Variants in SRGAP3 observed in about 807,000 individuals in gnomAD.
SRGAP3 encodes the protein SLIT-ROBO Rho GTPase activating protein 3.
SRGAP3 carries 39 observed loss-of-function variants against 121.1 expected under a neutral mutation model. The observed-to-expected ratio is 0.32, with a 90% CI of 0.25 to 0.42. The LOEUF (loss-of-function observed/expected upper bound fraction) is 0.42, where lower values mean the gene tolerates loss of function less well. Ranked by LOEUF, SRGAP3 falls within the 10% of genes least tolerant of loss-of-function variation. The probability of loss-of-function intolerance (pLI) is 1.00; values close to 1 mark genes in which losing one functional copy is unlikely to be tolerated. For missense variants in SRGAP3, 1,213 were observed against 1,470.6 expected, an observed-to-expected ratio of 0.82 and a Z score of 2.86; for synonymous variants, 601 against 570.0, an observed-to-expected ratio of 1.05 and a Z score of -0.77.
chr3:8,997,770 T>C (rs1245314456), intron 18 of SRGAP3, among the ~76,000 whole-genome samples: 1 of 152,238 alleles, frequency 6.6e-6, no homozygotes, highest in East Asian at 1.9e-4. Flanking sequence ...AGATTTATCA[T>C]ATATCTATCC....
At chr3:9,123,405 T>TATATATATATATAC (rs1949095774) in intron 2 of SRGAP3, among the ~76,000 whole-genome samples, 1 of 1,750 alleles carries the variant, frequency 5.7e-4, no homozygotes, top group African/African-American at 9.3e-4. Flanking sequence ...ACAATACACA[T>TATATATATATATAC]ACATACACAT....
intron 4 of SRGAP3, among the ~76,000 whole-genome samples, chr3:9,073,849 C>A (rs1454568054): frequency 6.6e-6 from 1 of 152,084 alleles, no homozygotes; most frequent in Non-Finnish European, 1.5e-5. Context: ...TGGGATATGC[C>A]CAAACGTGTG....
intron 1 of SRGAP3, among the ~76,000 whole-genome samples, chr3:9,139,904 A>G (rs1949790026): frequency 6.6e-6 from 1 of 152,150 alleles, no homozygotes; most frequent in Non-Finnish European, 1.5e-5. Context: ...ACCAGCAGAG[A>G]GAAGGACAGG....
intron 3 of SRGAP3, among the ~76,000 whole-genome samples, chr3:9,275,657 CT>C (rs1224801680): frequency 6.6e-6 from 1 of 152,158 alleles, no homozygotes; most frequent in Admixed American, 6.5e-5. Flanking sequence ...TTTCTTTCCC[CT>C]TTCACTTGGC....
chr3:9,094,000 G>C (rs1947866834), intron 3 of SRGAP3, among the ~76,000 whole-genome samples: 1 of 152,112 alleles, frequency 6.6e-6, no homozygotes, highest in African/African-American at 2.4e-5. Context: ...ACTCAAATTA[G>C]ATAACAAAAT....
At chr3:9,210,014 A>C (rs532997593) in intron 1 of SRGAP3, among the ~76,000 whole-genome samples, 3 of 152,168 alleles carry the variant, frequency 2.0e-5, no homozygotes, top group East Asian at 1.9e-4. Flanking sequence ...AACTTCAAAA[A>C]ACATTATGCT....
At position 8,990,659 on chromosome 3, in the gene SRGAP3, C is replaced by A. The variant is rs1485443990; in HGVS notation, c.2739G>T (p.Arg913Ser). ...TGCCAGCGCTCCCGAACGTCGCCAT[C>A]CTCCGCTTCTCAGGGCTCTCGATCC... ...RGRIESPEKR[R>S]MATFGSAGSI... Residue 913 changes from arginine to serine, a missense_variant, in exon 21 of 22, where the codon AGG becomes AGT. Physicochemically the swap from Arg to Ser is moderately radical, Grantham distance 110 (BLOSUM62 -1). This residue lies in a region of SRGAP3 where 420 missense variants were observed against 437.7 expected (regional missense o/e 0.96). Transcript: ENST00000383836. 1 of 1,613,594 alleles carries A rather than the reference C, an allele frequency of 6.2e-7. No homozygotes were observed. Among genetic ancestry groups the A allele is most frequent in the African/African-American group, 1.3e-5 (1 of 74,938 alleles).
At chr3:9,063,726 G>C (rs2125205938) in intron 5 of SRGAP3, among the ~76,000 whole-genome samples, 1 of 152,282 alleles carries the variant, frequency 6.6e-6, no homozygotes, top group Admixed American at 6.5e-5. Context: ...TGACATGAGA[G>C]ATGAGACGAA....
chr3:9,076,076 G>C (rs1348197185), intron 4 of SRGAP3, among the ~76,000 whole-genome samples: 1 of 152,196 alleles, frequency 6.6e-6, no homozygotes, highest in Non-Finnish European at 1.5e-5. Flanking sequence ...GACACAAGCA[G>C]AAGCTTGAAA....
At chr3:9,098,250 C>T (rs1948069544) in intron 3 of SRGAP3, among the ~76,000 whole-genome samples, 2 of 152,188 alleles carry the variant, frequency 1.3e-5, no homozygotes, top group African/African-American at 2.4e-5. Context: ...GACATTGTGT[C>T]TGAGTCGTTT....
chr3:9,173,268 G>A (rs1025004290), intron 1 of SRGAP3, among the ~76,000 whole-genome samples: 10 of 152,222 alleles, frequency 6.6e-5, no homozygotes, highest in African/African-American at 2.4e-4. Flanking sequence ...TAAGCACAGA[G>A]GACAGGCTTA....
At chr3:9,075,850 T>C (rs956668406) in intron 4 of SRGAP3, among the ~76,000 whole-genome samples, 9 of 152,202 alleles carry the variant, frequency 5.9e-5, no homozygotes, top group African/African-American at 2.2e-4. Flanking sequence ...AAGAAATCCC[T>C]AGCAATGAAG....
At chr3:9,271,731 A>G (rs1954482219) in intron 3 of SRGAP3, among the ~76,000 whole-genome samples, 1 of 152,220 alleles carries the variant, frequency 6.6e-6, no homozygotes, top group African/African-American at 2.4e-5. Flanking sequence ...AAAACCCTAC[A>G]GCCAAAGCAT....
intron 18 of SRGAP3, 148 bp from the exon 19 acceptor site, chr3:8,994,671 A>G: frequency 9.7e-7 from 1 of 1,028,382 alleles, no homozygotes; most frequent in Admixed American, 2.0e-5. Context: ...GCTGGGGCTC[A>G]GGACCCTGGG....
intron 12 of SRGAP3, among the ~76,000 whole-genome samples, chr3:9,030,430 C>A (rs1944426314): frequency 6.6e-6 from 1 of 152,214 alleles, no homozygotes; most frequent in Non-Finnish European, 1.5e-5. Flanking sequence ...ACGGAGCTTT[C>A]TATTCCAAAG....
chr3:9,348,526 C>CG, intron 1 of SRGAP3: 2 of 755,738 alleles, frequency 2.6e-6, no homozygotes, highest in South Asian at 2.7e-5. Flanking sequence ...GGTACAACAC[C>CG]GACCTGAGCC....
chr3:9,198,415 A>C (rs915289458), intron 1 of SRGAP3, among the ~76,000 whole-genome samples: 1 of 152,264 alleles, frequency 6.6e-6, no homozygotes, highest in African/African-American at 2.4e-5. Flanking sequence ...GTAATAAGGA[A>C]GGAATAACTC....
chr3:9,100,709 C>T (rs773192698), intron 3 of SRGAP3, among the ~76,000 whole-genome samples: 4 of 152,220 alleles, frequency 2.6e-5, no homozygotes, highest in Admixed American at 6.5e-5. Context: ...CTGTGTCAAT[C>T]ATGTGGTAAA....
At chr3:9,297,058 T>C (rs1370774318) in intron 3 of SRGAP3, among the ~76,000 whole-genome samples, 1 of 152,166 alleles carries the variant, frequency 6.6e-6, no homozygotes, top group Non-Finnish European at 1.5e-5. Context: ...CTAATTTCTT[T>C]ATTTTTTGTA....
Sources: gnomAD v4.1 joint callset for allele counts (sites outside exome capture counted in the v4.1 genomes callset) on GRCh38, gnomAD v4.1.1 for gene constraint, gnomAD v4.1.1 regional missense constraint, MANE v1.5 for transcripts, NCBI Gene and HGNC (gene_info 2026-07-23, HGNC 2026-07-21) for gene names.